Variants in ALCAM observed in about 807,000 individuals in gnomAD.
ALCAM encodes the protein CD166 antigen.
Under a neutral mutation model 70.9 loss-of-function variants are expected in ALCAM, and 30 were observed. The ratio of observed to expected loss-of-function variants is 0.42; its 90% confidence interval spans 0.32 to 0.57. The LOEUF (loss-of-function observed/expected upper bound fraction) is 0.57. Among genes scored for constraint, ALCAM ranks in the 20% least tolerant of loss-of-function variants. The pLI is 0.11. For synonymous variants in ALCAM, 249 were observed against 242.5 expected, an observed-to-expected ratio of 1.03 and a Z score of -0.25; for missense variants, 591 against 695.1, an observed-to-expected ratio of 0.85 and a Z score of 1.68.
intron 2 of ALCAM, among the ~76,000 whole-genome samples, chr3:105,521,760 CT>C (rs1452814342): frequency 4.6e-5 from 7 of 152,218 alleles, no homozygotes; most frequent in Admixed American, 4.6e-4. Context: ...CTGCAGAATC[CT>C]AACCATACTA....
rs887070962 is a variant in ALCAM at position 105,381,121 on chromosome 3, G to C, written c.73+13640G>C. 2.6e-5 allele frequency among the ~76,000 whole-genome samples: 4 copies of C among 151,918 alleles called. No homozygotes were observed. In the East Asian group the frequency reaches 7.7e-4, roughly 29 times the overall value. ...ATAGCACCTATCTTGTAGGATAGCT[G>C]TGAAAGTTAAATGAATTAATACACA... On this transcript the variant is annotated intron_variant, in intron 1 of 15. Transcript: ENST00000306107.
At chr3:105,484,891 G>T (rs879232515) in intron 1 of ALCAM, among the ~76,000 whole-genome samples, 1 of 152,028 alleles carries the variant, frequency 6.6e-6, no homozygotes, top group African/African-American at 2.4e-5. Context: ...CCTTAGGAAA[G>T]CAAATACTTT....
chr3:105,466,216 A>C (rs1199467669), intron 1 of ALCAM, among the ~76,000 whole-genome samples: 1 of 151,244 alleles, frequency 6.6e-6, no homozygotes, highest in East Asian at 1.9e-4. Flanking sequence ...GTGGGTCTAG[A>C]TTCCCCCAAT....
intron 1 of ALCAM, among the ~76,000 whole-genome samples, chr3:105,518,266 C>T (rs897831247): frequency 3.3e-5 from 5 of 152,024 alleles, no homozygotes; most frequent in African/African-American, 7.2e-5. Context: ...CAGGTGCATG[C>T]CCTGACATAA....
At chr3:105,478,131 A>T (rs1938171575) in intron 1 of ALCAM, among the ~76,000 whole-genome samples, 1 of 151,884 alleles carries the variant, frequency 6.6e-6, no homozygotes, top group Non-Finnish European at 1.5e-5. Context: ...TTTTTATCGT[A>T]TCCTTGACAT....
Position 105,489,678 on chromosome 3 carries a change from C to T in ALCAM, c.74-30389C>T, listed in dbSNP as rs866176275. ...GGGTATATTTTAGGTATTTTGAAAT[C>T]TTTTTCATCCAGGACATTATATCAT... is the stretch of plus-strand genomic sequence containing the variant. On this transcript the variant is annotated intron_variant, in intron 1 of 15. Transcript: ENST00000306107. Among the ~76,000 whole-genome samples, 3 of 152,084 alleles carry T rather than the reference C, an allele frequency of 2.0e-5. No homozygotes were observed. The South Asian group carries it at 6.2e-4, about 32-fold the overall frequency.
chr3:105,433,294 G>T (rs1291669639), intron 1 of ALCAM, among the ~76,000 whole-genome samples: 2 of 152,072 alleles, frequency 1.3e-5, no homozygotes, highest in Non-Finnish European at 2.9e-5. Context: ...GTCAGAACTT[G>T]CCTTGGCTTA....
At chr3:105,570,944 G>A (rs1940848514) in intron 14 of ALCAM, among the ~76,000 whole-genome samples, 1 of 152,148 alleles carries the variant, frequency 6.6e-6, no homozygotes, top group Non-Finnish European at 1.5e-5. Context: ...AGGAAAGGAA[G>A]GAAGGGAGGG....
At chr3:105,543,502 G>T in intron 8 of ALCAM, among the ~76,000 whole-genome samples, 1 of 151,584 alleles carries the variant, frequency 6.6e-6, no homozygotes, top group East Asian at 1.9e-4. Flanking sequence ...TTGATTGCTT[G>T]CTTATTTTCC....
chr3:105,453,423 T>C (rs747925337), intron 1 of ALCAM, among the ~76,000 whole-genome samples: 1 of 152,190 alleles, frequency 6.6e-6, no homozygotes, highest in Non-Finnish European at 1.5e-5. Flanking sequence ...TTCTGCTGCA[T>C]TGGTCCCAAT....
intron 1 of ALCAM, among the ~76,000 whole-genome samples, chr3:105,456,331 C>T (rs1937535080): frequency 6.6e-6 from 1 of 152,188 alleles, no homozygotes; most frequent in Non-Finnish European, 1.5e-5. Context: ...GCGGACTAAG[C>T]TCCACTGTCC....
intron 1 of ALCAM, among the ~76,000 whole-genome samples, chr3:105,416,444 C>G (rs1936510196): frequency 6.6e-6 from 1 of 151,872 alleles, no homozygotes; most frequent in Non-Finnish European, 1.5e-5. Flanking sequence ...TGCTTCAGAG[C>G]ATTGTTGTGA....
chr3:105,403,055 T>G (rs1052893968), intron 1 of ALCAM, among the ~76,000 whole-genome samples: 1 of 150,098 alleles, frequency 6.7e-6, no homozygotes, highest in African/African-American at 2.5e-5. Flanking sequence ...CAAGTGATAC[T>G]CCTGCCTCAG....
At chr3:105,504,332 G>A (rs1201878763) in intron 1 of ALCAM, among the ~76,000 whole-genome samples, 1 of 152,194 alleles carries the variant, frequency 6.6e-6, no homozygotes, top group Non-Finnish European at 1.5e-5. Flanking sequence ...CTTCTACGTT[G>A]TCACAAGGAC....
intron 1 of ALCAM, among the ~76,000 whole-genome samples, chr3:105,390,627 C>T (rs13090022): frequency 0.15 from 22,686 of 151,982 alleles, 1,848 homozygotes; most frequent in Admixed American, 0.25. Flanking sequence ...TCAATTTTTG[C>T]CTTTGTTGCC....
intron 1 of ALCAM, among the ~76,000 whole-genome samples, chr3:105,505,550 C>G (rs1377863684): frequency 6.6e-6 from 1 of 152,086 alleles, no homozygotes; most frequent in East Asian, 1.9e-4. Flanking sequence ...TATCATATGC[C>G]CAGCAGGAGT....
chr3:105,561,276 C>T (rs1195998792), intron 14 of ALCAM, among the ~76,000 whole-genome samples: 2 of 152,076 alleles, frequency 1.3e-5, no homozygotes, highest in African/African-American at 2.4e-5. Context: ...TAGTTATATT[C>T]GTTGTTTTGT....
chr3:105,559,873 T>C lies in ALCAM; in HGVS notation c.1664+7288T>C, dbSNP rs961212618. ...TTAACATGTTTTTGAGATTTATTCA[T>C]GTTGTTACACCTATGAGTGGCTTCT... On this transcript the variant is annotated intron_variant, in intron 14 of 15. Transcript: ENST00000306107. 3.3e-5 allele frequency among the ~76,000 whole-genome samples: 5 copies of C among 152,328 alleles called. No homozygotes were observed. The East Asian group carries it at 9.6e-4, about 29-fold the overall frequency.
At chr3:105,381,451 A>C (rs903062861) in intron 1 of ALCAM, among the ~76,000 whole-genome samples, 1 of 151,980 alleles carries the variant, frequency 6.6e-6, no homozygotes, top group East Asian at 1.9e-4. Context: ...TCTGTAAAAC[A>C]AATAAACCAT....
Sources: allele counts gnomAD v4.1 joint callset (sites outside exome capture counted in the v4.1 genomes callset), GRCh38; gene constraint gnomAD v4.1.1; transcripts MANE v1.5; gene names NCBI Gene and HGNC (gene_info 2026-07-23, HGNC 2026-07-21).